Variants in EYS observed in about 807,000 individuals in gnomAD.
EYS encodes the protein EGF-like photoreceptor maintenance factor.
EYS carries 250 observed loss-of-function variants against 282.1 expected under a neutral mutation model. The ratio of observed to expected loss-of-function variants is 0.89; its 90% CI spans 0.80 to 0.98. The LOEUF (loss-of-function observed/expected upper bound fraction) is 0.98, where lower values mean the gene tolerates loss of function less well. Ranked by LOEUF, EYS falls within the 50% of genes least tolerant of loss-of-function variation. EYS has a pLI of 0.00. For synonymous variants in EYS, 1,355 were observed against 1,282.9 expected, an observed-to-expected ratio of 1.06 and a Z score of -1.20; for missense variants, 4,016 against 3,709.0, an observed-to-expected ratio of 1.08 and a Z score of -2.15.
intron 36 of EYS, among the ~76,000 whole-genome samples, chr6:63,841,560 T>C (rs1199567175): frequency 6.6e-6 from 1 of 152,184 alleles, no homozygotes; most frequent in Non-Finnish European, 1.5e-5. Flanking sequence ...CTGCTAACTC[T>C]TACTATTTTG....
intron 22 of EYS, among the ~76,000 whole-genome samples, chr6:64,743,039 T>G (rs1004518432): frequency 2.6e-5 from 4 of 152,156 alleles, no homozygotes; most frequent in African/African-American, 9.7e-5. Context: ...TACTTCTTTG[T>G]CTGAGGACAG....
intron 33 of EYS, among the ~76,000 whole-genome samples, chr6:64,060,970 C>A (rs919436258): frequency 1.3e-5 from 2 of 152,118 alleles, no homozygotes; most frequent in Non-Finnish European, 2.9e-5. Context: ...GTTGCTCTGG[C>A]AGTAATACAG....
chr6:64,842,308 C>T (rs373775608), intron 19 of EYS, among the ~76,000 whole-genome samples: 25 of 151,456 alleles, frequency 1.7e-4, no homozygotes, highest in African/African-American at 6.1e-4. Flanking sequence ...AACCAAATTT[C>T]CAATAAGGTT....
intron 12 of EYS, among the ~76,000 whole-genome samples, chr6:65,080,083 ACT>A (rs1186135731): frequency 6.6e-6 from 1 of 151,988 alleles, no homozygotes; most frequent in Non-Finnish European, 1.5e-5. Flanking sequence ...CAGGTGGAGA[ACT>A]CTCTGTCTGT....
chr6:64,012,678 T>A (rs1582130633), intron 33 of EYS, among the ~76,000 whole-genome samples: 1 of 152,144 alleles, frequency 6.6e-6, no homozygotes, highest in Admixed American at 6.5e-5. Flanking sequence ...TTTAAGGAAA[T>A]GCTGTTTCCT....
In EYS at chr6:63,798,985, G is replaced by GTATATATATATA. The variant is rs1211498823; in HGVS notation, c.7411+7204_7411+7205insTATATATATATA. ...TGTGTATATATATATATGTATATGT[G>GTATATATATATA]TGTATATATATATATATATATATAT... is the stretch of plus-strand genomic sequence containing the variant. On this transcript the variant is annotated intron_variant, in intron 37 of 42. Coordinates refer to ENST00000503581, the MANE Select transcript of EYS (RefSeq NM_001142800.2). Among the ~76,000 whole-genome samples, 78 of 87,494 alleles carry GTATATATATATA rather than the reference G, an allele frequency of 8.9e-4. 1 individual carries two copies. Among genetic ancestry groups the GTATATATATATA allele is most frequent in the African/African-American group, 1.8e-3 (32 of 18,202 alleles). 57.4% of individuals were successfully genotyped at this position (87,494 alleles called of 152,430 possible).
At chr6:64,039,729 G>T (rs1442307641) in intron 33 of EYS, among the ~76,000 whole-genome samples, 1 of 152,110 alleles carries the variant, frequency 6.6e-6, no homozygotes, top group Middle Eastern at 3.2e-3. Flanking sequence ...TAGCTTGAGA[G>T]GCAGGAATTT....
intron 29 of EYS, among the ~76,000 whole-genome samples, chr6:64,314,194 CAA>C (rs138447983): frequency 4.2e-3 from 115 of 27,670 alleles, no homozygotes; most frequent in African/African-American, 0.016. Context: ...AAATGGAAAG[CAA>C]AAAAAAAAAA....
chr6:64,724,754 G>T (rs1017021710), intron 22 of EYS, among the ~76,000 whole-genome samples: 2 of 151,954 alleles, frequency 1.3e-5, no homozygotes, highest in Admixed American at 6.6e-5. Flanking sequence ...TTTAATAAAG[G>T]TTAAAAAATA....
At chr6:65,478,185 G>A (rs1018863507) in intron 5 of EYS, among the ~76,000 whole-genome samples, 1 of 151,498 alleles carries the variant, frequency 6.6e-6, no homozygotes, top group African/African-American at 2.4e-5. Context: ...TTCTAGAGAA[G>A]ATATAATATA....
At chr6:65,047,837 G>A (rs1007242734) in intron 13 of EYS, among the ~76,000 whole-genome samples, 5 of 151,928 alleles carry the variant, frequency 3.3e-5, no homozygotes, top group Non-Finnish European at 7.4e-5. Flanking sequence ...CTGAGTGGAG[G>A]TAGCTGAGTG....
At chr6:64,056,017 G>C (rs951388584) in intron 33 of EYS, among the ~76,000 whole-genome samples, 3 of 152,080 alleles carry the variant, frequency 2.0e-5, no homozygotes. Flanking sequence ...GGATGCAAAG[G>C]CCTGGTCCTC....
intron 12 of EYS, among the ~76,000 whole-genome samples, chr6:65,164,293 G>A (rs1232645514): frequency 6.6e-6 from 1 of 151,116 alleles, no homozygotes; most frequent in Non-Finnish European, 1.5e-5. Context: ...AATTAATTTA[G>A]GTCAAGTTAT....
intron 30 of EYS, among the ~76,000 whole-genome samples, chr6:64,295,232 C>G (rs1335095542): frequency 1.4e-5 from 2 of 145,994 alleles, no homozygotes; most frequent in South Asian, 4.5e-4. Flanking sequence ...AAAAATTAGC[C>G]GTTTTTTTAG....
At chr6:63,985,920 C>G (rs1331961782) in intron 34 of EYS, among the ~76,000 whole-genome samples, 1 of 151,800 alleles carries the variant, frequency 6.6e-6, no homozygotes. Flanking sequence ...CCAAAATTGA[C>G]TAGTGGGATC....
rs1410100918 is a variant in EYS, at chr6:65,344,126, G to A, written c.1511C>T (p.Ala504Val). 6.2e-7 allele frequency: 1 copy of A among 1,610,082 alleles called. No homozygotes were observed. Among genetic ancestry groups the A allele is most frequent in the East Asian group, 2.2e-5 (1 of 44,720 alleles). Residue 504 changes from alanine to valine, a missense_variant, in exon 10 of 43, where the codon GCT becomes GTT. Transcript: ENST00000503581. ...QGVIDAYFFL[A>V]ANCTEDATYV... ...GGTTGCATCTTCAGTGCAGTTTGCAGCCAGAAAGAAATAGGCATCAATAAC... is the reference window on the plus strand; with the variant it reads ...GGTTGCATCTTCAGTGCAGTTTGCAACCAGAAAGAAATAGGCATCAATAAC...
chr6:65,672,631 C>A (rs983057729), intron 1 of EYS, among the ~76,000 whole-genome samples: 2 of 152,102 alleles, frequency 1.3e-5, no homozygotes, highest in African/African-American at 4.8e-5. Flanking sequence ...AAAAAACTAT[C>A]TCCAGAAATA....
chr6:65,252,961 C>T (rs1002847074), intron 12 of EYS, among the ~76,000 whole-genome samples: 2 of 151,754 alleles, frequency 1.3e-5, no homozygotes, highest in Non-Finnish European at 2.9e-5. Flanking sequence ...ACCTGTTAGA[C>T]AATAAAATTT....
chr6:64,650,389 T>C (rs1341799799), intron 22 of EYS, among the ~76,000 whole-genome samples: 1 of 151,954 alleles, frequency 6.6e-6, no homozygotes, highest in African/African-American at 2.4e-5. Context: ...TATTTATCCC[T>C]TGAACAATGA....
Sources: allele counts gnomAD v4.1 joint callset (sites outside exome capture counted in the v4.1 genomes callset), GRCh38; gene constraint gnomAD v4.1.1; transcripts MANE v1.5; gene names NCBI Gene and HGNC (gene_info 2026-07-23, HGNC 2026-07-21).